PRKCE: variants seen among roughly 807,000 people sequenced by gnomAD.
PRKCE encodes protein kinase C epsilon.
In PRKCE, 16 loss-of-function variants were observed where a neutral mutation model predicts 85.4. That is an observed-to-expected ratio of 0.19 (90% confidence interval 0.13 to 0.28). PRKCE has a LOEUF of 0.28. Ranked by LOEUF, PRKCE falls within the 10% of genes least tolerant of loss-of-function variation. The probability of loss-of-function intolerance (pLI) is 1.00; values close to 1 mark genes in which losing one functional copy is unlikely to be tolerated. For synonymous variants in PRKCE, 388 were observed against 371.5 expected (o/e 1.04, Z -0.51); for missense variants, 573 against 975.2 (o/e 0.59, Z 5.49).
intron 2 of PRKCE, among the ~76,000 whole-genome samples, chr2:45,893,363 T>TG: frequency 6.6e-6 from 1 of 150,560 alleles, no homozygotes; most frequent in Middle Eastern, 3.5e-3. Context: ...CTTTTTTTTT[T>TG]TTTTTTGAGA....
chr2:46,010,705 G>A (rs1272172178), intron 10 of PRKCE, 188 bp downstream of exon 10: 2 of 1,598,354 alleles, frequency 1.3e-6, no homozygotes, highest in African/African-American at 2.7e-5. Context: ...TTCCATTCAA[G>A]GTTGTGCTTG....
chr2:45,987,955 A>G (rs559994211), intron 6 of PRKCE, among the ~76,000 whole-genome samples: 31 of 152,312 alleles, frequency 2.0e-4, no homozygotes, highest in African/African-American at 7.2e-4. Context: ...TTCTGCTACT[A>G]TGATTACTAA....
chr2:45,976,944 T>G lies in PRKCE; in HGVS notation c.572+356T>G, dbSNP rs561745565. ...CAGAGTCTAGCTCTGTTGCCCAGGC[T>G]GGAGTGCAGTGGCATGATCTCCACT... On this transcript the variant is annotated intron_variant, in intron 3 of 14. Coordinates refer to ENST00000306156, the MANE Select transcript of PRKCE (RefSeq NM_005400.3). 4.9e-4 allele frequency among the ~76,000 whole-genome samples: 74 copies of G among 151,314 alleles called. No individual in the cohort carries two copies. The South Asian group carries it at 0.015, about 31-fold the overall frequency.
chr2:46,163,139 T>G lies in PRKCE; in HGVS notation c.2067+3387T>G, dbSNP rs539450737. Among the ~76,000 whole-genome samples the G allele has an allele frequency of 4.6e-5, 7 of 152,332 alleles. No individual in the cohort carries two copies. In the South Asian group the frequency reaches 1.2e-3, roughly 27 times the overall value. On this transcript the variant is annotated intron_variant, in intron 14 of 14. Transcript: ENST00000306156. ...GCCTGCCTAGCTCAGGTACCAGCAG[T>G]GAGGACAACTCTGTGCTGCATAAGC...
chr2:46,066,641 G>T (rs1574380524), intron 10 of PRKCE, among the ~76,000 whole-genome samples: 1 of 152,194 alleles, frequency 6.6e-6, no homozygotes, highest in Non-Finnish European at 1.5e-5. Flanking sequence ...CCATTTAGAT[G>T]ATCAGAGCAG....
intron 1 of PRKCE, among the ~76,000 whole-genome samples, chr2:45,755,207 T>G (rs1683903901): frequency 6.6e-6 from 1 of 152,192 alleles, no homozygotes; most frequent in Admixed American, 6.5e-5. Flanking sequence ...CCAACCACGT[T>G]GTATAATAAT....
chr2:45,682,660 C>T (rs755423314), intron 1 of PRKCE, among the ~76,000 whole-genome samples: 2 of 152,188 alleles, frequency 1.3e-5, no homozygotes, highest in African/African-American at 4.8e-5. Flanking sequence ...GATCTCCACT[C>T]ACTGTAACCT....
At chr2:46,136,329 G>A (rs369012578) in intron 11 of PRKCE, among the ~76,000 whole-genome samples, 16 of 152,312 alleles carry the variant, frequency 1.1e-4, no homozygotes, top group South Asian at 1.0e-3. Flanking sequence ...AGGGCCTCAC[G>A]CGTGCTAACG....
intron 11 of PRKCE, among the ~76,000 whole-genome samples, chr2:46,144,724 A>G (rs1165459593): frequency 1.3e-5 from 2 of 152,278 alleles, no homozygotes; most frequent in Admixed American, 1.3e-4. Context: ...GCTGATCCCC[A>G]TGGTTAGTTC....
intron 10 of PRKCE, among the ~76,000 whole-genome samples, chr2:46,029,428 A>G (rs1707359193): frequency 6.6e-6 from 1 of 152,112 alleles, no homozygotes; most frequent in African/African-American, 2.4e-5. Context: ...TTGGAATTTC[A>G]TGTGACACCG....
chr2:45,916,303 G>GCCT (rs1452715937), intron 2 of PRKCE, among the ~76,000 whole-genome samples: 1 of 148,408 alleles, frequency 6.7e-6, no homozygotes, highest in Non-Finnish European at 1.5e-5. Flanking sequence ...GTAGTGGTGT[G>GCCT]AACACGGCTC....
chr2:45,863,455 T>A (rs1235015393), intron 2 of PRKCE, among the ~76,000 whole-genome samples: 1 of 152,012 alleles, frequency 6.6e-6, no homozygotes, highest in African/African-American at 2.4e-5. Context: ...CCCAAACAGC[T>A]CTACCTGCAA....
At chr2:45,982,155 C>G (rs1702939457) in intron 5 of PRKCE, among the ~76,000 whole-genome samples, 1 of 152,250 alleles carries the variant, frequency 6.6e-6, no homozygotes, top group Non-Finnish European at 1.5e-5. Context: ...CTCCCCGCCA[C>G]CACCTTGTGC....
intron 11 of PRKCE, among the ~76,000 whole-genome samples, chr2:46,106,347 C>T (rs1407381961): frequency 6.6e-6 from 1 of 152,216 alleles, no homozygotes; most frequent in East Asian, 1.9e-4. Context: ...GCTCCCACCA[C>T]CTGCCACCCA....
At chr2:45,759,836 T>C (rs184986604) in intron 1 of PRKCE, among the ~76,000 whole-genome samples, 1 of 152,292 alleles carries the variant, frequency 6.6e-6, no homozygotes, top group Non-Finnish European at 1.5e-5. Context: ...GTGGAATCTC[T>C]TGGAGGAATC....
rs200773163 is a variant in PRKCE at position 46,005,000 on chromosome 2, C to G, written c.1063+362C>G. Among the ~76,000 whole-genome samples the G allele has an allele frequency of 4.5e-4, 69 of 152,308 alleles. 1 individual carries two copies. In the East Asian group the frequency reaches 8.3e-3, roughly 18 times the overall value. Reference sequence around the variant, plus strand: ...AGCTCTTGCCTGGCCCTAGACCTGTCAACACCACTCCCTTGAGTTGAGTTT... The same window carrying G: ...AGCTCTTGCCTGGCCCTAGACCTGTGAACACCACTCCCTTGAGTTGAGTTT... On this transcript the variant is annotated intron_variant, in intron 8 of 14. Coordinates refer to ENST00000306156, the MANE Select transcript of PRKCE (RefSeq NM_005400.3). This position sits in a 1 kb window ranked among gnomAD's most constrained non-coding sequence, Gnocchi z 4.1.
At chr2:45,718,501 C>T (rs546975005) in intron 1 of PRKCE, among the ~76,000 whole-genome samples, 2 of 152,144 alleles carry the variant, frequency 1.3e-5, no homozygotes, top group East Asian at 3.9e-4. Context: ...CGCACCACTA[C>T]ACTCAGCTAA....
chr2:46,111,458 A>G (rs576541577), intron 11 of PRKCE, among the ~76,000 whole-genome samples: 1 of 152,288 alleles, frequency 6.6e-6, no homozygotes, highest in South Asian at 2.1e-4. Context: ...GTCACACCAA[A>G]AAGGAACTCC....
At chr2:46,018,211 T>G (rs1558966054) in intron 10 of PRKCE, among the ~76,000 whole-genome samples, 1 of 152,204 alleles carries the variant, frequency 6.6e-6, no homozygotes, top group Non-Finnish European at 1.5e-5. Flanking sequence ...CAAAATGGGC[T>G]GGAGTAGGAT....
Sources: allele counts gnomAD v4.1 joint callset (sites outside exome capture counted in the v4.1 genomes callset), GRCh38; gene constraint gnomAD v4.1.1; non-coding constraint Gnocchi (gnomAD v3.1); transcripts MANE v1.5; gene names NCBI Gene and HGNC (gene_info 2026-07-23, HGNC 2026-07-21).